Variants in WDR72 observed in about 807,000 individuals in gnomAD.
The protein encoded by WDR72 is WD repeat domain 72, also known as WD repeat-containing protein 72.
Under a neutral mutation model 124.2 loss-of-function variants are expected in WDR72, and 120 were observed. The ratio of observed to expected loss-of-function variants is 0.97; its 90% CI spans 0.83 to 1.12. The LOEUF (loss-of-function observed/expected upper bound fraction) is 1.12, where lower values mean the gene tolerates loss of function less well. Among genes scored for constraint, WDR72 ranks in the 50% most tolerant of loss-of-function variants. The pLI is 0.00. For missense variants in WDR72, 1,387 were observed against 1,278.8 expected (o/e 1.08, Z -1.29); for synonymous variants, 452 against 441.7 (o/e 1.02, Z -0.29).
intron 18 of WDR72, among the ~76,000 whole-genome samples, chr15:53,543,602 A>T (rs922165318): frequency 2.2e-4 from 33 of 151,326 alleles, no homozygotes; most frequent in Non-Finnish European, 1.5e-4. Context: ...AGCAAGAGCA[A>T]ACACATTCAA....
intron 18 of WDR72, among the ~76,000 whole-genome samples, chr15:53,560,992 G>A (rs1360332576): frequency 2.0e-5 from 3 of 151,762 alleles, no homozygotes; most frequent in Non-Finnish European, 4.4e-5. Context: ...TCTCCCTAAA[G>A]ATATTATTAC....
At chr15:53,682,036 T>C (rs1218971283) in intron 13 of WDR72, among the ~76,000 whole-genome samples, 1 of 152,176 alleles carries the variant, frequency 6.6e-6, no homozygotes, top group East Asian at 1.9e-4. Context: ...AAACTCTAAA[T>C]TTGGGGGAAA....
intron 14 of WDR72, among the ~76,000 whole-genome samples, chr15:53,634,455 C>T (rs1439919702): frequency 6.6e-6 from 1 of 152,066 alleles, no homozygotes; most frequent in African/African-American, 2.4e-5. Context: ...TGTCTTGGGC[C>T]ACACATAAAA....
chr15:53,577,365 T>C (rs1473064517), intron 18 of WDR72, among the ~76,000 whole-genome samples: 1 of 152,170 alleles, frequency 6.6e-6, no homozygotes, highest in Non-Finnish European at 1.5e-5. Flanking sequence ...CATTGAAGTC[T>C]CAGACCATCA....
chr15:53,551,192 G>A (rs1893713805), intron 18 of WDR72, among the ~76,000 whole-genome samples: 1 of 152,106 alleles, frequency 6.6e-6, no homozygotes, highest in African/African-American at 2.4e-5. Flanking sequence ...ATGGAGGATG[G>A]CCAGTGAGAC....
At chr15:53,685,021 T>C (rs28878232) in intron 13 of WDR72, among the ~76,000 whole-genome samples, 1,955 of 152,270 alleles carry the variant, frequency 0.013, 42 homozygotes, top group African/African-American at 0.046. Flanking sequence ...GAAGGAAAAC[T>C]AATAAACGGA....
At chr15:53,602,580 A>G (rs755937455) in intron 17 of WDR72, among the ~76,000 whole-genome samples, 2 of 152,074 alleles carry the variant, frequency 1.3e-5, no homozygotes, top group Non-Finnish European at 2.9e-5. Context: ...AAAATAAAAT[A>G]GATCACTCAC....
chr15:53,729,952 ATG>A (rs770462136), intron 2 of WDR72, among the ~76,000 whole-genome samples: 12 of 152,340 alleles, frequency 7.9e-5, no homozygotes, highest in African/African-American at 1.4e-4. Flanking sequence ...GTACAAAATT[ATG>A]TGTCAATTAA....
At chr15:53,584,703 T>C (rs558627407) in intron 18 of WDR72, among the ~76,000 whole-genome samples, 2 of 152,070 alleles carry the variant, frequency 1.3e-5, no homozygotes, top group African/African-American at 4.8e-5. Flanking sequence ...CAGCAGAACC[T>C]TTTCATTCCA....
intron 2 of WDR72, among the ~76,000 whole-genome samples, chr15:53,726,177 A>AATATAT (rs34029897): frequency 1.8e-4 from 25 of 140,290 alleles, no homozygotes; most frequent in East Asian, 1.0e-3. Flanking sequence ...AATTGGTTGT[A>AATATAT]ATATATATAT....
At position 53,584,183 on chromosome 15, in the gene WDR72, C is replaced by G. The variant is rs563681663; in HGVS notation, c.3148+12896G>C. On this transcript the variant is annotated intron_variant, in intron 18 of 19. Coordinates refer to ENST00000360509, the MANE Select transcript of WDR72 (RefSeq NM_182758.4). ...AGATGAATAAAAGGAGATGAAAAATCGGACCAAATATTAACTTATACAAAT... is the reference window on the plus strand; with the variant it reads ...AGATGAATAAAAGGAGATGAAAAATGGGACCAAATATTAACTTATACAAAT... 2.5e-4 allele frequency among the ~76,000 whole-genome samples: 38 copies of G among 151,988 alleles called. 1 individual carries two copies. The highest frequency in any genetic ancestry group is 8.9e-4 in the African/African-American group (37 of 41,476).
chr15:53,564,865 C>A (rs1348313283), intron 18 of WDR72, among the ~76,000 whole-genome samples: 1 of 151,742 alleles, frequency 6.6e-6, no homozygotes, highest in African/African-American at 2.4e-5. Context: ...GCAGAAAAAC[C>A]ACCCAAAAAT....
chr15:53,698,079 T>C (rs1193423932), intron 13 of WDR72, among the ~76,000 whole-genome samples: 3 of 152,262 alleles, frequency 2.0e-5, no homozygotes, highest in South Asian at 2.1e-4. Context: ...CATTTGGTTA[T>C]GTATTTGAGG....
intron 13 of WDR72, among the ~76,000 whole-genome samples, chr15:53,678,922 T>C (rs912551764): frequency 3.3e-4 from 51 of 152,278 alleles, no homozygotes; most frequent in African/African-American, 1.1e-3. Context: ...CATCAAATAA[T>C]GAATGGATGA....
intron 1 of WDR72, among the ~76,000 whole-genome samples, chr15:53,744,243 A>G (rs1245339032): frequency 2.0e-5 from 3 of 152,226 alleles, no homozygotes; most frequent in African/African-American, 7.2e-5. Context: ...CCTGGTGTAT[A>G]CGAAAATAAT....
intron 1 of WDR72, among the ~76,000 whole-genome samples, chr15:53,754,868 T>C (rs1200061724): frequency 6.6e-6 from 1 of 152,220 alleles, no homozygotes; most frequent in Non-Finnish European, 1.5e-5. Context: ...CTCTGAGGGA[T>C]ATGATTTTTC....
chr15:53,566,047 G>A (rs1894284619), intron 18 of WDR72, among the ~76,000 whole-genome samples: 1 of 151,914 alleles, frequency 6.6e-6, no homozygotes, highest in Non-Finnish European at 1.5e-5. Context: ...GAGATAACCC[G>A]GTGTTGATTA....
At chr15:53,586,004 A>G (rs11855268) in intron 18 of WDR72, among the ~76,000 whole-genome samples, 52,536 of 151,890 alleles carry the variant, frequency 0.35, 9,417 homozygotes, top group Middle Eastern at 0.57. Flanking sequence ...GTGGCTCTCT[A>G]TGCCTTTACA....
chr15:53,609,728 A>G (rs2013452897), intron 16 of WDR72, 136 bp from the exon 17 acceptor site: 8 of 739,048 alleles, frequency 1.1e-5, no homozygotes, highest in Non-Finnish European at 1.9e-5. Context: ...AATCTTCCAG[A>G]GATTTTTATT....
Sources: allele counts gnomAD v4.1 joint callset (sites outside exome capture counted in the v4.1 genomes callset), GRCh38; gene constraint gnomAD v4.1.1; transcripts MANE v1.5; gene names NCBI Gene and HGNC (gene_info 2026-07-23, HGNC 2026-07-21).